ZBED6: variants seen among roughly 807,000 people sequenced by gnomAD.
ZBED6 encodes the protein zinc finger BED domain-containing protein 6.
ZBED6 carries 40 observed loss-of-function variants against 58.4 expected under a neutral mutation model. The ratio of observed to expected loss-of-function variants is 0.68; its 90% CI spans 0.53 to 0.89. ZBED6 has a LOEUF of 0.89. ZBED6 is among the 40% of genes least tolerant of loss of function. The pLI is 0.00. For synonymous variants in ZBED6, 439 were observed against 350.6 expected (o/e 1.25, Z -2.82); for missense variants, 1,057 against 1,003.9 (o/e 1.05, Z -0.71).
rs1359765327 is a variant in ZBED6, at chr1:203,847,294, C to A, written c.*3852C>A. ...GCAAACTAAACTCAAGACAGAAGGA[C>A]CTTCAAAAACTGATGATTCTACTTC... On this transcript the variant is annotated 3_prime_UTR_variant, in exon 12 of 17. Coordinates refer to ENST00000550078, the Ensembl canonical transcript of ZBED6. 3.7e-6 allele frequency: 6 copies of A among 1,613,698 alleles called. No individual in the cohort carries two copies. The highest frequency in any genetic ancestry group is 1.3e-5 in the African/African-American group (1 of 74,858).
At chr1:203,805,588 AT>A in intron 1 of ZBED6, 1 of 625,332 alleles carries the variant, frequency 1.6e-6, no homozygotes, top group Non-Finnish European at 3.1e-6. Context: ...GTCCCATAAT[AT>A]GTTTTACATG....
chr1:203,797,203 A>G (rs4951011), exon 1 of ZBED6: 26,759 of 178,932 alleles, frequency 0.15, 2,510 homozygotes, highest in East Asian at 0.31. Flanking sequence ...TCTAGCTGCT[A>G]CTAACCAACT....
rs1553258300 is a variant in ZBED6 at position 203,802,730 on chromosome 1, TTTTTGTTTTG to T, written c.*2283_*2292del. ...AAATGAACTCTTTTTTTTTGTTTTT[TTTTTGTTTTG>T]TTTTGTTTTGTTTTTGAGGAGATAA... On this transcript the variant is annotated 3_prime_UTR_variant, in exon 1 of 17. Coordinates refer to ENST00000550078, the Ensembl canonical transcript of ZBED6. 25 of 146,158 alleles carry T rather than the reference TTTTTGTTTTG, an allele frequency of 1.7e-4. 1 individual carries two copies. Among genetic ancestry groups the T allele is most frequent in the Admixed American group, 1.5e-3 (22 of 14,640 alleles). The allele number at this position is 146,158 out of a possible 1,614,324, so 9.1% of individuals were successfully genotyped here.
chr1:203,825,585 C>G (rs907100019), intron 3 of ZBED6, among the ~76,000 whole-genome samples: 1 of 151,992 alleles, frequency 6.6e-6, no homozygotes, highest in Non-Finnish European at 1.5e-5. Context: ...CAGGCGCCCT[C>G]CACCATGCCC....
intron 1 of ZBED6, among the ~76,000 whole-genome samples, chr1:203,803,995 C>T (rs778206171): frequency 2.0e-5 from 3 of 152,090 alleles, no homozygotes; most frequent in Admixed American, 1.3e-4. Flanking sequence ...GAATTACATT[C>T]GATGTGTGCA....
At position 203,818,044 on chromosome 1, in the gene ZBED6, G is replaced by T. The variant is rs191514326; in HGVS notation, c.*2754-526G>T. Among the ~76,000 whole-genome samples the T allele has an allele frequency of 2.0e-3, 299 of 152,178 alleles. 2 individuals carry two copies. Among genetic ancestry groups the T allele is most frequent in the Admixed American group, 4.7e-3 (72 of 15,276 alleles). On this transcript the variant is annotated intron_variant, in intron 2 of 16. Coordinates refer to ENST00000550078, the Ensembl canonical transcript of ZBED6. ...TTACAGGCGTGAGCCCCCACGCCCG[G>T]TGATATTATGTTTTAAATGATGAGT...
chr1:203,841,792 TCCC>T (rs1312589441), intron 11 of ZBED6, among the ~76,000 whole-genome samples: 7 of 142,326 alleles, frequency 4.9e-5, no homozygotes, highest in Non-Finnish European at 9.0e-5. Context: ...GCCCCCCACC[TCCC>T]TCCCGGACGG....
chr1:203,838,642 TAAC>T (rs1383453560), intron 10 of ZBED6, among the ~76,000 whole-genome samples: 2 of 152,118 alleles, frequency 1.3e-5, no homozygotes, highest in East Asian at 3.8e-4. Flanking sequence ...TCTAAGATAG[TAAC>T]AACCCATTGA....
At chr1:203,827,196 T>C (rs1017388235) in intron 3 of ZBED6, among the ~76,000 whole-genome samples, 1 of 152,212 alleles carries the variant, frequency 6.6e-6, no homozygotes. Flanking sequence ...CTAGTATTGA[T>C]GTACACATGG....
intron 7 of ZBED6, among the ~76,000 whole-genome samples, 177 bp downstream of exon 7, chr1:203,830,380 A>G (rs1247969674): frequency 2.0e-5 from 3 of 152,248 alleles, no homozygotes; most frequent in Admixed American, 2.0e-4. Context: ...GCTGTGTTTC[A>G]GTCCCTAACT....
Position 203,849,648 on chromosome 1 carries a change from C to G in ZBED6, c.*4323-63C>G, listed in dbSNP as rs1024118617. The G allele has an allele frequency of 8.7e-6, 13 of 1,497,044 alleles. No homozygotes were observed. In the African/African-American group the frequency reaches 1.7e-4, roughly 19 times the overall value. The allele number at this position is 1,497,044 out of a possible 1,614,324, so 92.7% of individuals were successfully genotyped here. On this transcript the variant is annotated intron_variant, in intron 13 of 16. Coordinates refer to ENST00000550078, the Ensembl canonical transcript of ZBED6. Reference sequence around the variant, plus strand: ...GCTTAACTTAGATGTTAGCCTGGTACTTACATCATACAGGTTATTAGAGGT... The same window carrying G: ...GCTTAACTTAGATGTTAGCCTGGTAGTTACATCATACAGGTTATTAGAGGT...
At position 203,833,871 on chromosome 1, in the gene ZBED6, T is replaced by C; in HGVS notation, c.*3573+18T>C. The C allele has an allele frequency of 6.2e-7, 1 of 1,600,494 alleles. No homozygotes were observed. Among genetic ancestry groups the C allele is most frequent in the Non-Finnish European group, 8.5e-7 (1 of 1,173,616 alleles). ...TTCAGCAGGTAAGATAAGTTTTGTGTATATCTTTTCTTTTCTACTTGTTTG... is the reference window on the plus strand; with the variant it reads ...TTCAGCAGGTAAGATAAGTTTTGTGCATATCTTTTCTTTTCTACTTGTTTG... On this transcript the variant is annotated intron_variant, in intron 9 of 16. Coordinates refer to ENST00000550078, the Ensembl canonical transcript of ZBED6.
exon 1 of ZBED6, chr1:203,798,512 T>C: frequency 6.5e-7 from 1 of 1,536,092 alleles, no homozygotes; most frequent in Non-Finnish European, 8.7e-7. Flanking sequence ...CTGTTGCAAA[T>C]GGATTAGATG....
chr1:203,836,453 G>C lies in ZBED6; in HGVS notation c.*3574-1513G>C, dbSNP rs190494154. Among the ~76,000 whole-genome samples the C allele has an allele frequency of 1.3e-3, 204 of 152,242 alleles. 2 individuals carry two copies. Among genetic ancestry groups the C allele is most frequent in the African/African-American group, 4.7e-3 (197 of 41,548 alleles). ...TTTTAAACAACTTGTATTGAACAGTGTAATAAAACTAGAAGGCTGGGCGCG... is the reference window on the plus strand; with the variant it reads ...TTTTAAACAACTTGTATTGAACAGTCTAATAAAACTAGAAGGCTGGGCGCG... On this transcript the variant is annotated intron_variant, in intron 9 of 16. Transcript: ENST00000550078.
intron 14 of ZBED6, 69 bp from the exon 15 acceptor site, chr1:203,850,446 A>G (rs765627369): frequency 1.8e-5 from 28 of 1,577,036 alleles, no homozygotes; most frequent in Non-Finnish European, 2.1e-5. Context: ...TTGATATTTT[A>G]TTCTGAATTA....
exon 1 of ZBED6, chr1:203,798,076 C>A (rs1669230531): frequency 2.0e-6 from 3 of 1,536,062 alleles, no homozygotes; most frequent in Non-Finnish European, 2.6e-6. Flanking sequence ...CCTCATTGGA[C>A]CAGGGCCAAC....
chr1:203,800,413 C>A, exon 1 of ZBED6: 2 of 1,297,136 alleles, frequency 1.5e-6, no homozygotes, highest in South Asian at 2.5e-5. Flanking sequence ...AGCTGGGATC[C>A]TGAGCAGAAT....
At chr1:203,809,578 A>G (rs182821648) in intron 1 of ZBED6, among the ~76,000 whole-genome samples, 1 of 152,228 alleles carries the variant, frequency 6.6e-6, no homozygotes, top group Non-Finnish European at 1.5e-5. Context: ...TTTTTCCTAC[A>G]TTAACTTCTA....
At chr1:203,831,102 G>A (rs1186943230) in intron 7 of ZBED6, among the ~76,000 whole-genome samples, 1 of 151,562 alleles carries the variant, frequency 6.6e-6, no homozygotes, top group Non-Finnish European at 1.5e-5. Context: ...GCGCCACCAC[G>A]CCTGGGTAAT....
Sources: gnomAD v4.1 joint callset for allele counts (sites outside exome capture counted in the v4.1 genomes callset) on GRCh38, gnomAD v4.1.1 for gene constraint, MANE v1.5 for transcripts, NCBI Gene and HGNC (gene_info 2026-07-23, HGNC 2026-07-21) for gene names.